Variants in SUPT3H observed in about 807,000 individuals in gnomAD.
SUPT3H encodes transcription initiation protein SPT3 homolog.
SUPT3H carries 44 observed loss-of-function variants against 44.3 expected under a neutral mutation model. The ratio of observed to expected loss-of-function variants is 0.99; its 90% CI spans 0.78 to 1.28. SUPT3H has a LOEUF of 1.28. SUPT3H is among the 50% of genes most tolerant of loss of function. The pLI is 0.00. For synonymous variants in SUPT3H, 124 were observed against 125.6 expected, an observed-to-expected ratio of 0.99 and a Z score of 0.09; for missense variants, 380 against 387.1, an observed-to-expected ratio of 0.98 and a Z score of 0.15.
chr6:44,919,936 T>C (rs1768400759), intron 10 of SUPT3H, among the ~76,000 whole-genome samples: 1 of 152,136 alleles, frequency 6.6e-6, no homozygotes, highest in Non-Finnish European at 1.5e-5. Context: ...TGGAGTGCAG[T>C]GGCGTGATCT....
intron 1 of SUPT3H, among the ~76,000 whole-genome samples, chr6:45,376,526 T>G (rs953292147): frequency 2.6e-5 from 4 of 152,216 alleles, no homozygotes; most frequent in African/African-American, 9.6e-5. Flanking sequence ...CTACCACTAG[T>G]GCCTAAAGGC....
intron 2 of SUPT3H, among the ~76,000 whole-genome samples, chr6:45,106,419 C>T (rs1008132968): frequency 3.3e-5 from 5 of 152,114 alleles, no homozygotes; most frequent in Non-Finnish European, 7.3e-5. Context: ...GCAATGGAGT[C>T]AGACCCTGTT....
intron 11 of SUPT3H, among the ~76,000 whole-genome samples, chr6:44,815,491 T>C (rs1285370196): frequency 2.6e-5 from 4 of 152,098 alleles, no homozygotes; most frequent in African/African-American, 9.7e-5. Flanking sequence ...TGAAAAAATA[T>C]GTATAATATA....
chr6:45,014,103 G>C (rs1783885553), intron 5 of SUPT3H, among the ~76,000 whole-genome samples: 1 of 151,932 alleles, frequency 6.6e-6, no homozygotes, highest in African/African-American at 2.4e-5. Flanking sequence ...CCCACGTCAA[G>C]ATTAGATGTG....
At chr6:44,831,426 C>T (rs1393065595) in intron 10 of SUPT3H, among the ~76,000 whole-genome samples, 3 of 152,076 alleles carry the variant, frequency 2.0e-5, no homozygotes, top group Non-Finnish European at 4.4e-5. Context: ...CTCAGAGAGC[C>T]ACAAATAACT....
chr6:45,264,397 C>CGCCT (rs1281491849), intron 2 of SUPT3H, among the ~76,000 whole-genome samples: 1 of 152,110 alleles, frequency 6.6e-6, no homozygotes, highest in African/African-American at 2.4e-5. Context: ...CGGTGGCTCA[C>CGCCT]GCCTGTAATC....
intron 2 of SUPT3H, among the ~76,000 whole-genome samples, chr6:45,263,137 A>G (rs1392038212): frequency 6.6e-6 from 1 of 152,190 alleles, no homozygotes; most frequent in Admixed American, 6.5e-5. Context: ...TACTGGATAT[A>G]TACCCAAGGG....
intron 4 of SUPT3H, among the ~76,000 whole-genome samples, chr6:45,017,226 T>G (rs1174587713): frequency 6.7e-6 from 1 of 150,334 alleles, no homozygotes; most frequent in East Asian, 1.9e-4. Flanking sequence ...TTTGAGTTCA[T>G]TGTAGATTCT....
chr6:45,228,927 A>G (rs1184216392), intron 2 of SUPT3H, among the ~76,000 whole-genome samples: 1 of 152,196 alleles, frequency 6.6e-6, no homozygotes, highest in Non-Finnish European at 1.5e-5. Flanking sequence ...GGCATGAGCC[A>G]CCGTGCCCAA....
chr6:44,887,978 A>ATAC (rs1762602423), intron 10 of SUPT3H, among the ~76,000 whole-genome samples: 1 of 152,236 alleles, frequency 6.6e-6, no homozygotes, highest in Non-Finnish European at 1.5e-5. Flanking sequence ...CCATCAGAGA[A>ATAC]TACTACAAAC....
intron 10 of SUPT3H, among the ~76,000 whole-genome samples, chr6:44,850,417 C>A (rs1368992325): frequency 1.3e-5 from 2 of 152,038 alleles, no homozygotes; most frequent in Admixed American, 6.5e-5. Flanking sequence ...CAGGTCAAAT[C>A]CAGATGTATG....
chr6:45,021,942 T>C (rs1405787730), intron 3 of SUPT3H, among the ~76,000 whole-genome samples: 1 of 151,858 alleles, frequency 6.6e-6, no homozygotes, highest in Non-Finnish European at 1.5e-5. Flanking sequence ...GGTGGGGGGG[T>C]AGGTTTTTAA....
Position 45,020,598 on chromosome 6 carries a change from C to A in SUPT3H, c.221G>T (p.Gly74Val). 1 of 1,611,656 alleles carries A rather than the reference C, an allele frequency of 6.2e-7. No homozygotes were observed. Among genetic ancestry groups the A allele is most frequent in the Non-Finnish European group, 8.5e-7 (1 of 1,178,432 alleles). ...ATCTTCAGGAGTGATTACCCTTGCT[C>A]CCCGCAGCTGAGAAACTTCAGCAGC... ...QQAAEVSQLR[G>V]ARVITPEDLL... Residue 74 changes from glycine (G) to valine (V), a missense_variant, in exon 4 of 11, where the codon GGA (glycine) becomes GTA (valine). Gly to Val is a moderately radical substitution (Grantham distance 109, BLOSUM62 -3). Transcript: ENST00000371459.
intron 5 of SUPT3H, among the ~76,000 whole-genome samples, chr6:45,009,693 C>T (rs1414903215): frequency 6.6e-6 from 1 of 152,122 alleles, no homozygotes; most frequent in Non-Finnish European, 1.5e-5. Flanking sequence ...GCCAGTACTG[C>T]TCTATCGTAA....
At position 45,113,526 on chromosome 6, in the gene SUPT3H, G is replaced by A. The variant is rs137867774; in HGVS notation, c.102-7520C>T. ...ACAATAGCTCTAAGAAACCCCAAGT[G>A]ATAGGTAAATCAAAATATCAAATAA... On this transcript the variant is annotated intron_variant, in intron 2 of 10. Transcript: ENST00000371459. 2.6e-3 allele frequency among the ~76,000 whole-genome samples: 394 copies of A among 152,222 alleles called. 2 individuals carry two copies. Among genetic ancestry groups the A allele is most frequent in the African/African-American group, 8.7e-3 (360 of 41,534 alleles).
chr6:45,327,487 A>G (rs948151964), intron 2 of SUPT3H, among the ~76,000 whole-genome samples: 3 of 152,052 alleles, frequency 2.0e-5, no homozygotes, highest in African/African-American at 7.2e-5. Flanking sequence ...ACTAAGATTC[A>G]TCCAATAAAC....
intron 5 of SUPT3H, among the ~76,000 whole-genome samples, chr6:45,012,361 T>C (rs916528219): frequency 1.3e-5 from 2 of 152,042 alleles, no homozygotes; most frequent in Non-Finnish European, 2.9e-5. Flanking sequence ...ATTTTTTCAC[T>C]TTTTTCTTCA....
intron 10 of SUPT3H, among the ~76,000 whole-genome samples, chr6:44,900,687 C>G (rs574924654): frequency 4.7e-4 from 72 of 152,302 alleles, no homozygotes; most frequent in Middle Eastern, 3.4e-3. Flanking sequence ...GTTCTCCCAG[C>G]ATGCAGTTAG....
chr6:45,208,810 C>G (rs1193215399), intron 2 of SUPT3H, among the ~76,000 whole-genome samples: 2 of 151,868 alleles, frequency 1.3e-5, no homozygotes, highest in Non-Finnish European at 1.5e-5. Context: ...ACTCCCATAG[C>G]TGGAGAGGAG....
Sources: gnomAD v4.1 joint callset for allele counts (sites outside exome capture counted in the v4.1 genomes callset) on GRCh38, gnomAD v4.1.1 for gene constraint, MANE v1.5 for transcripts, NCBI Gene and HGNC (gene_info 2026-07-23, HGNC 2026-07-21) for gene names.